XRCC6: variants seen among roughly 807,000 people sequenced by gnomAD.
The protein encoded by XRCC6 is DNA repair protein Ku70.
XRCC6 carries 5 observed loss-of-function variants against 65.7 expected under a neutral mutation model. The observed-to-expected ratio is 0.08, with a 90% CI of 0.04 to 0.16. The LOEUF (loss-of-function observed/expected upper bound fraction) is 0.16. Among genes scored for constraint, XRCC6 ranks in the 10% least tolerant of loss-of-function variants. The pLI, the probability that XRCC6 is intolerant of heterozygous loss-of-function variation, is 1.00. For synonymous variants in XRCC6, 270 were observed against 270.6 expected, an observed-to-expected ratio of 1.00 and a Z score of 0.02; for missense variants, 447 against 738.1, an observed-to-expected ratio of 0.61 and a Z score of 4.57.
In XRCC6 at chr22:41,650,906, C is replaced by A. The variant is rs201453288; in HGVS notation, c.1129+15C>A. On this transcript the variant is annotated intron_variant, in intron 8 of 12. Coordinates refer to ENST00000360079, the MANE Select transcript of XRCC6 (RefSeq NM_001469.5). ...GCTGGTGATTGGTAAGTAGCGTGGA[C>A]CATGGATGAGTGACTCTAACACACA... The A allele has an allele frequency of 6.2e-7, 1 of 1,613,818 alleles. No homozygotes were observed. Among genetic ancestry groups the A allele is most frequent in the East Asian group, 2.2e-5 (1 of 44,882 alleles).
chr22:41,636,001 T>G (rs1297998323), intron 3 of XRCC6, 112 bp from the exon 4 acceptor site: 1 of 922,734 alleles, frequency 1.1e-6, no homozygotes, highest in Non-Finnish European at 1.6e-6. Flanking sequence ...TTGCCTTATT[T>G]TAGTGCCATA....
chr22:41,633,408 T>G (rs1000700360), intron 3 of XRCC6, among the ~76,000 whole-genome samples: 2 of 152,082 alleles, frequency 1.3e-5, no homozygotes, highest in African/African-American at 4.8e-5. Context: ...TTTTTTTTTT[T>G]TTTTGAGACG....
intron 6 of XRCC6, among the ~76,000 whole-genome samples, chr22:41,640,572 C>T (rs2067865320): frequency 6.6e-6 from 1 of 152,180 alleles, no homozygotes; most frequent in Admixed American, 6.5e-5. Context: ...TATAGGGGTC[C>T]ATGACCTTTG....
intron 5 of XRCC6, 149 bp downstream of exon 5, chr22:41,636,919 T>C: frequency 9.3e-7 from 1 of 1,078,396 alleles, no homozygotes; most frequent in African/African-American, 1.6e-5. Flanking sequence ...AGTGCAGTTT[T>C]ATTGCTTTCT....
At chr22:41,629,911 C>T (rs1446166149) in intron 3 of XRCC6, among the ~76,000 whole-genome samples, 2 of 151,362 alleles carry the variant, frequency 1.3e-5, no homozygotes, top group Non-Finnish European at 2.9e-5. Flanking sequence ...AGTGATCCGC[C>T]TGCCTCGGCC....
At chr22:41,654,214 A>T (rs940064031) in intron 9 of XRCC6, among the ~76,000 whole-genome samples, 1 of 152,108 alleles carries the variant, frequency 6.6e-6, no homozygotes, top group Non-Finnish European at 1.5e-5. Flanking sequence ...GTGGGCAAGT[A>T]ATTTAACCTT....
At chr22:41,630,149 A>G (rs1480443151) in intron 3 of XRCC6, among the ~76,000 whole-genome samples, 1 of 151,120 alleles carries the variant, frequency 6.6e-6, no homozygotes, top group African/African-American at 2.4e-5. Flanking sequence ...ATGCCCAGCT[A>G]ATTTTTGTAT....
At chr22:41,645,253 C>T (rs372337100) in intron 6 of XRCC6, among the ~76,000 whole-genome samples, 4 of 150,456 alleles carry the variant, frequency 2.7e-5, no homozygotes, top group South Asian at 2.1e-4. Flanking sequence ...GTGTGGAGAT[C>T]GTGCCATTGC....
intron 6 of XRCC6, among the ~76,000 whole-genome samples, chr22:41,645,276 G>A (rs2067919405): frequency 6.7e-6 from 1 of 150,078 alleles, no homozygotes; most frequent in African/African-American, 2.5e-5. Flanking sequence ...TCCAGCCTGG[G>A]CAACAAGAGC....
At chr22:41,624,044 C>T (rs1055735151) in intron 2 of XRCC6, among the ~76,000 whole-genome samples, 1 of 151,702 alleles carries the variant, frequency 6.6e-6, no homozygotes, top group African/African-American at 2.4e-5. Flanking sequence ...TTAAATATAC[C>T]ATAATTTGGC....
intron 6 of XRCC6, among the ~76,000 whole-genome samples, chr22:41,642,933 C>T (rs2067893460): frequency 6.6e-6 from 1 of 152,236 alleles, no homozygotes; most frequent in African/African-American, 2.4e-5. Flanking sequence ...ATATTAGGTG[C>T]TTGCCCCAGG....
At chr22:41,660,002 A>C (rs2068085123) in intron 11 of XRCC6, among the ~76,000 whole-genome samples, 1 of 152,036 alleles carries the variant, frequency 6.6e-6, no homozygotes, top group Admixed American at 6.5e-5. Flanking sequence ...TACTTTTAAA[A>C]CTCTACAGAT....
At chr22:41,644,856 T>C (rs1178857302) in intron 6 of XRCC6, among the ~76,000 whole-genome samples, 2 of 152,094 alleles carry the variant, frequency 1.3e-5, no homozygotes, top group African/African-American at 2.4e-5. Context: ...TGGAGTAATA[T>C]GTCATGATGG....
chr22:41,655,191 T>A (rs555059894), intron 9 of XRCC6, among the ~76,000 whole-genome samples: 4 of 152,260 alleles, frequency 2.6e-5, no homozygotes, highest in African/African-American at 4.8e-5. Context: ...GAGAAAGTCA[T>A]AAAGTGCTTC....
chr22:41,623,484 T>C (rs1601523106), intron 2 of XRCC6, among the ~76,000 whole-genome samples: 1 of 150,834 alleles, frequency 6.6e-6, no homozygotes, highest in African/African-American at 2.4e-5. Context: ...GCCTCCCGGG[T>C]TCATGCCATT....
At position 41,636,284 on chromosome 22, in the gene XRCC6, A is replaced by G. The variant is rs748628800; in HGVS notation, c.334+33A>G. The G allele has an allele frequency of 5.1e-6, 8 of 1,560,260 alleles. No individual in the cohort carries two copies. The East Asian group carries it at 6.7e-5, about 13-fold the overall frequency. On this transcript the variant is annotated intron_variant, in intron 4 of 12. Coordinates refer to ENST00000360079, the MANE Select transcript of XRCC6 (RefSeq NM_001469.5). ...ATATTTTAAGATCAGCTTTTCCCTT[A>G]TATATGAGAATATCAGTACTCTGAT...
At chr22:41,659,591 C>T (rs1013204941) in intron 11 of XRCC6, among the ~76,000 whole-genome samples, 12 of 151,994 alleles carry the variant, frequency 7.9e-5, no homozygotes, top group Non-Finnish European at 1.3e-4. Flanking sequence ...CCACCTGTCT[C>T]GGCCTCCCAA....
At chr22:41,643,703 C>A (rs925617398) in intron 6 of XRCC6, among the ~76,000 whole-genome samples, 2 of 151,962 alleles carry the variant, frequency 1.3e-5, no homozygotes, top group African/African-American at 4.8e-5. Flanking sequence ...CACCTGTAAT[C>A]CCAGCTACTC....
At chr22:41,657,068 G>A in intron 10 of XRCC6, 36 bp downstream of exon 10, 1 of 1,532,408 alleles carries the variant, frequency 6.5e-7, no homozygotes, top group Non-Finnish European at 8.7e-7. Context: ...ACTGCCTCCT[G>A]AGTTGAAAAT....
Sources: allele counts gnomAD v4.1 joint callset (sites outside exome capture counted in the v4.1 genomes callset), GRCh38; gene constraint gnomAD v4.1.1; transcripts MANE v1.5; gene names NCBI Gene and HGNC (gene_info 2026-07-23, HGNC 2026-07-21).